The following DLG2 variants were observed in gnomAD, a reference collection of about 807,000 sequenced individuals.
DLG2 encodes the protein disks large homolog 2.
In DLG2, 45 loss-of-function variants were observed where a neutral mutation model predicts 132.5. The observed-to-expected ratio is 0.34, with a 90% CI of 0.27 to 0.44. The LOEUF (loss-of-function observed/expected upper bound fraction) is 0.44, where lower values mean the gene tolerates loss of function less well. Ranked by LOEUF, DLG2 falls within the 20% of genes least tolerant of loss-of-function variation. The probability of loss-of-function intolerance (pLI) is 1.00; values close to 1 mark genes in which losing one functional copy is unlikely to be tolerated. For missense variants in DLG2, 1,045 were observed against 1,196.9 expected, an observed-to-expected ratio of 0.87 and a Z score of 1.87; for synonymous variants, 424 against 419.6, an observed-to-expected ratio of 1.01 and a Z score of -0.13.
At chr11:84,159,438 G>A (rs1396385394) in intron 9 of DLG2, among the ~76,000 whole-genome samples, 1 of 152,144 alleles carries the variant, frequency 6.6e-6, no homozygotes, top group Non-Finnish European at 1.5e-5. Context: ...AATAAACCAT[G>A]TAAAGATATA....
intron 6 of DLG2, among the ~76,000 whole-genome samples, chr11:84,967,108 AT>A (rs1475325225): frequency 1.3e-5 from 2 of 152,240 alleles, no homozygotes; most frequent in Admixed American, 6.5e-5. Context: ...AAATCAACAG[AT>A]TATAAACCAA....
chr11:85,514,227 T>C (rs912701135), intron 3 of DLG2, among the ~76,000 whole-genome samples: 29 of 152,144 alleles, frequency 1.9e-4, no homozygotes, highest in South Asian at 6.2e-4. Context: ...GTAAGATAGA[T>C]ACTAGTATCC....
intron 6 of DLG2, among the ~76,000 whole-genome samples, chr11:84,653,200 A>G (rs556971690): frequency 5.9e-5 from 9 of 152,246 alleles, no homozygotes; most frequent in African/African-American, 2.2e-4. Context: ...AAAGGGCTGG[A>G]ATTACAAGCG....
chr11:84,644,481 C>T (rs554499169), intron 6 of DLG2, among the ~76,000 whole-genome samples: 4 of 151,770 alleles, frequency 2.6e-5, no homozygotes, highest in Admixed American at 2.6e-4. Context: ...CAGAGGCGGG[C>T]GAGTCACTAG....
At chr11:85,494,024 A>G (rs984286007) in intron 3 of DLG2, among the ~76,000 whole-genome samples, 1 of 152,134 alleles carries the variant, frequency 6.6e-6, no homozygotes, top group African/African-American at 2.4e-5. Context: ...ATGTCTTCAT[A>G]TGACAGGAGA....
chr11:84,841,758 T>C (rs1371459682), intron 6 of DLG2, among the ~76,000 whole-genome samples: 1 of 151,992 alleles, frequency 6.6e-6, no homozygotes, highest in South Asian at 2.1e-4. Flanking sequence ...ATCATTTTTA[T>C]TATTTTTCAC....
chr11:83,819,877 CT>C (rs1320311720), intron 17 of DLG2, among the ~76,000 whole-genome samples: 1 of 152,144 alleles, frequency 6.6e-6, no homozygotes, highest in Non-Finnish European at 1.5e-5. Context: ...CTCAAGAAAT[CT>C]TGGCTATCAG....
chr11:84,168,188 A>G (rs2095716336), intron 8 of DLG2, among the ~76,000 whole-genome samples: 1 of 152,218 alleles, frequency 6.6e-6, no homozygotes, highest in African/African-American at 2.4e-5. Flanking sequence ...ACCGAAACAC[A>G]AATATATTAA....
At position 83,876,329 on chromosome 11, in the gene DLG2, ATAAT is replaced by A. The variant is rs2064780412; in HGVS notation, c.1497-1845_1497-1842del. ...TTGAGATGTTTAGTACCAAATAAGA[ATAAT>A]TACTGTATTTAGACCACTTCAGTTA... On this transcript the variant is annotated intron_variant, in intron 15 of 27. Coordinates refer to ENST00000376104, the MANE Select transcript of DLG2 (RefSeq NM_001142699.3). 2.0e-5 allele frequency among the ~76,000 whole-genome samples: 3 copies of A among 152,154 alleles called. 1 individual carries two copies. The South Asian group carries it at 6.2e-4, about 32-fold the overall frequency.
At chr11:84,778,559 T>A (rs901508767) in intron 6 of DLG2, among the ~76,000 whole-genome samples, 2 of 152,224 alleles carry the variant, frequency 1.3e-5, no homozygotes, top group South Asian at 2.1e-4. Flanking sequence ...ATGTTAACAA[T>A]ATTAATTCTT....
intron 3 of DLG2, among the ~76,000 whole-genome samples, chr11:85,333,041 G>A (rs947697790): frequency 1.1e-4 from 17 of 152,024 alleles, no homozygotes; most frequent in African/African-American, 2.7e-4. Flanking sequence ...TCCTTTGATC[G>A]TATGGCCATT....
At chr11:85,595,779 T>C (rs997168779) in intron 3 of DLG2, among the ~76,000 whole-genome samples, 36 of 152,236 alleles carry the variant, frequency 2.4e-4, no homozygotes, top group African/African-American at 8.7e-4. Flanking sequence ...ATGATTTTAC[T>C]TTATTTTCAA....
chr11:85,004,277 T>A (rs2058454593), intron 6 of DLG2, among the ~76,000 whole-genome samples: 1 of 152,202 alleles, frequency 6.6e-6, no homozygotes, highest in Non-Finnish European at 1.5e-5. Flanking sequence ...TGGTTCTCCA[T>A]CTTTGAAGAA....
intron 6 of DLG2, among the ~76,000 whole-genome samples, chr11:84,587,971 C>A (rs1324251248): frequency 1.3e-5 from 2 of 152,130 alleles, no homozygotes; most frequent in Admixed American, 1.3e-4. Context: ...CTTTTCAGTG[C>A]ACTTCCTATT....
chr11:85,356,895 C>T (rs777107266), intron 3 of DLG2, among the ~76,000 whole-genome samples: 10 of 152,126 alleles, frequency 6.6e-5, no homozygotes, highest in Admixed American at 4.6e-4. Flanking sequence ...TCCACCCCCA[C>T]TCCTCAACAG....
intron 6 of DLG2, among the ~76,000 whole-genome samples, chr11:84,844,101 ATGTTTGTG>A (rs1305120285): frequency 7.5e-5 from 6 of 79,862 alleles, no homozygotes; most frequent in Admixed American, 2.2e-4. Flanking sequence ...ATATATATAT[ATGTTTGTG>A]TGTGTGTGTG....
At chr11:84,721,667 T>C (rs2061852744) in intron 6 of DLG2, among the ~76,000 whole-genome samples, 1 of 152,168 alleles carries the variant, frequency 6.6e-6, no homozygotes, top group Non-Finnish European at 1.5e-5. Flanking sequence ...TAGCACTCTT[T>C]GGGTGCCACC....
chr11:84,733,326 C>A (rs546022846), intron 6 of DLG2, among the ~76,000 whole-genome samples: 2 of 151,962 alleles, frequency 1.3e-5, no homozygotes, highest in Admixed American at 6.6e-5. Flanking sequence ...TTTTAATGAT[C>A]GCCATTCTAA....
At chr11:83,842,927 C>G (rs902731613) in intron 16 of DLG2, among the ~76,000 whole-genome samples, 11 of 152,028 alleles carry the variant, frequency 7.2e-5, no homozygotes, top group Admixed American at 2.6e-4. Flanking sequence ...GGAAGTTACT[C>G]CAGTCAAATC....
Sources: allele counts gnomAD v4.1 joint callset (sites outside exome capture counted in the v4.1 genomes callset), GRCh38; gene constraint gnomAD v4.1.1; transcripts MANE v1.5; gene names NCBI Gene and HGNC (gene_info 2026-07-23, HGNC 2026-07-21).